Variants in WDR26 observed in about 807,000 individuals in gnomAD.
The protein encoded by WDR26 is WD repeat-containing protein 26.
Under a neutral mutation model 84.1 loss-of-function variants are expected in WDR26, and 5 were observed. That is an observed-to-expected ratio of 0.06 (90% CI 0.03 to 0.13). WDR26 has a LOEUF of 0.13. WDR26 is among the 10% of genes least tolerant of loss of function. WDR26 has a pLI of 1.00. For missense variants in WDR26, 642 were observed against 974.9 expected (o/e 0.66, Z 4.55); for synonymous variants, 415 against 389.6 (o/e 1.07, Z -0.77).
chr1:224,430,131 T>A (rs1674349267), intron 3 of WDR26: 1 of 152,176 alleles, frequency 6.6e-6, no homozygotes, highest in East Asian at 1.9e-4. Context: ...CTCAATAAAA[T>A]GTACTTGGGT....
chr1:224,427,298 CAA>C (rs1674258596), intron 3 of WDR26, among the ~76,000 whole-genome samples: 1 of 151,696 alleles, frequency 6.6e-6, no homozygotes, highest in Admixed American at 6.6e-5. Context: ...AATTTCAGGG[CAA>C]GTTTTTTATT....
In WDR26 at chr1:224,434,574, C is replaced by G. The variant is rs915671451; in HGVS notation, c.-169G>C. 2.4e-5 allele frequency: 11 copies of G among 466,078 alleles called. No homozygotes were observed. Among genetic ancestry groups the G allele is most frequent in the African/African-American group, 4.3e-5 (2 of 46,230 alleles). 28.9% of individuals were successfully genotyped at this position (466,078 alleles called of 1,614,324 possible). A position where few individuals can be genotyped will look rare whatever the true frequency, so the allele number is the denominator to read the frequency against. On this transcript the variant is annotated 5_prime_UTR_variant, in exon 1 of 14. Coordinates refer to ENST00000414423, the MANE Select transcript of WDR26 (RefSeq NM_001379403.1). Reference sequence around the variant, plus strand: ...GAGAAGGAGGATCCGGGCCCTTTCCCCCCCCCCTCCCGGAGGCAGCTCGGG... The same window carrying G: ...GAGAAGGAGGATCCGGGCCCTTTCCGCCCCCCCTCCCGGAGGCAGCTCGGG...
At chr1:224,427,103 C>CT (rs769063024) in intron 3 of WDR26, among the ~76,000 whole-genome samples, 1,225 of 91,022 alleles carry the variant, frequency 0.013, 54 homozygotes, top group Middle Eastern at 0.033. Flanking sequence ...AACTCTGTCT[C>CT]CAAAAAAAAA....
intron 4 of WDR26, 110 bp downstream of exon 4, chr1:224,424,408 C>T (rs892423439): frequency 7.0e-7 from 1 of 1,419,244 alleles, no homozygotes; most frequent in African/African-American, 1.5e-5. Context: ...TTTACCTAGA[C>T]AAATATCTAA....
intron 12 of WDR26, among the ~76,000 whole-genome samples, chr1:224,394,667 G>C (rs1380387625): frequency 6.6e-6 from 1 of 151,974 alleles, no homozygotes; most frequent in Non-Finnish European, 1.5e-5. Flanking sequence ...ACCATGCCCG[G>C]CTAATTTTTT....
chr1:224,427,105 A>T lies in WDR26; in HGVS notation c.928-2451T>A, dbSNP rs866321564. On this transcript the variant is annotated intron_variant, in intron 3 of 13. Transcript: ENST00000414423. Reference sequence around the variant, plus strand: ...GCAACGAGAGCAAAACTCTGTCTCCAAAAAAAAAAAAAAAAAAAAAAAGTT... The same window carrying T: ...GCAACGAGAGCAAAACTCTGTCTCCTAAAAAAAAAAAAAAAAAAAAAAGTT... Among the ~76,000 whole-genome samples, 584 of 141,444 alleles carry T rather than the reference A, an allele frequency of 4.1e-3. 12 individuals are homozygous for T. Among genetic ancestry groups the T allele is most frequent in the Non-Finnish European group, 5.2e-3 (338 of 65,302 alleles). 92.8% of individuals were successfully genotyped at this position (141,444 alleles called of 152,430 possible).
At chr1:224,403,190 T>C (rs1673463072) in intron 8 of WDR26, among the ~76,000 whole-genome samples, 1 of 152,020 alleles carries the variant, frequency 6.6e-6, no homozygotes, top group Non-Finnish European at 1.5e-5. Context: ...GTAGCTGGGA[T>C]TACAGGCGCC....
intron 6 of WDR26, chr1:224,413,232 T>G: frequency 1.0e-6 from 1 of 975,584 alleles, no homozygotes; most frequent in Non-Finnish European, 1.3e-6. Context: ...AAAAACGTTA[T>G]TTAAACAATA....
At chr1:224,421,411 C>T (rs910816212) in intron 4 of WDR26, among the ~76,000 whole-genome samples, 1 of 152,064 alleles carries the variant, frequency 6.6e-6, no homozygotes, top group Non-Finnish European at 1.5e-5. Context: ...ATGGCGAAAC[C>T]CCGTCTCTAC....
intron 3 of WDR26, among the ~76,000 whole-genome samples, chr1:224,425,135 T>C (rs758272041): frequency 2.0e-5 from 3 of 152,320 alleles, no homozygotes; most frequent in East Asian, 3.9e-4. Context: ...AGGGAATAAG[T>C]AGACCAGAAA....
chr1:224,415,449 C>CTTTTTTTTTTTT (rs1673867572), intron 6 of WDR26, among the ~76,000 whole-genome samples: 4 of 102,722 alleles, frequency 3.9e-5, no homozygotes, highest in African/African-American at 1.8e-4. Flanking sequence ...ACACGTATTT[C>CTTTTTTTTTTTT]TTTCTTTTTT....
chr1:224,407,151 A>AAAATATATATATATAT, intron 7 of WDR26, among the ~76,000 whole-genome samples: 10 of 11,872 alleles, frequency 8.4e-4, no homozygotes, highest in East Asian at 2.1e-3. Flanking sequence ...AAAAAAAAAA[A>AAAATATATATATATAT]ATATATATAT....
At chr1:224,422,207 C>G (rs1674083767) in intron 4 of WDR26, among the ~76,000 whole-genome samples, 1 of 152,076 alleles carries the variant, frequency 6.6e-6, no homozygotes, top group Admixed American at 6.6e-5. Flanking sequence ...GTGCAAATGC[C>G]TTAAGGGGTG....
chr1:224,390,859 T>G (rs1341290084), intron 13 of WDR26, among the ~76,000 whole-genome samples: 2 of 152,104 alleles, frequency 1.3e-5, no homozygotes, highest in Admixed American at 1.3e-4. Flanking sequence ...TCATTAACAA[T>G]CAATTTTAGA....
chr1:224,416,105 G>A (rs1466829506), intron 6 of WDR26, among the ~76,000 whole-genome samples: 1 of 152,280 alleles, frequency 6.6e-6, no homozygotes, highest in East Asian at 1.9e-4. Flanking sequence ...AGAAAGAGAG[G>A]TAAGTAGGAG....
chr1:224,428,863 G>A (rs940988980), intron 3 of WDR26, among the ~76,000 whole-genome samples: 11 of 148,630 alleles, frequency 7.4e-5, no homozygotes, highest in East Asian at 2.0e-4. Context: ...CCAAGATTGC[G>A]CCATTGCACT....
intron 8 of WDR26, among the ~76,000 whole-genome samples, chr1:224,403,140 C>G (rs2102896435): frequency 6.6e-6 from 1 of 152,004 alleles, no homozygotes; most frequent in Middle Eastern, 3.4e-3. Context: ...TCCCAGCCTG[C>G]CTCCTGGGTT....
At chr1:224,433,066 G>A (rs939155872) in intron 1 of WDR26, among the ~76,000 whole-genome samples, 9 of 152,136 alleles carry the variant, frequency 5.9e-5, no homozygotes, top group Admixed American at 2.6e-4. Context: ...ACACACACAA[G>A]GGCCTTTAAA....
In WDR26 at chr1:224,433,712, C is replaced by T; in HGVS notation, c.694G>A (p.Gly232Arg). The change falls in exon 1 of 14, where the codon GGA (glycine) becomes AGA (arginine). Residue 232 changes from glycine (G) to arginine (R), a missense_variant. Physicochemically the swap from Gly to Arg is moderately radical, Grantham distance 125. Coordinates refer to ENST00000414423, the MANE Select transcript of WDR26 (RefSeq NM_001379403.1). ...AGCCCTAAGCCATTCAAGTGCTGTC[C>T]TATTAGCCTAATGACATCCTCATCT... 6.5e-7 allele frequency: 1 copy of T among 1,529,340 alleles called. No homozygotes were observed. Among genetic ancestry groups the T allele is most frequent in the Non-Finnish European group, 8.8e-7 (1 of 1,142,256 alleles). The allele number at this position is 1,529,340 out of a possible 1,614,324, so 94.7% of individuals were successfully genotyped here. A position where few individuals can be genotyped will look rare whatever the true frequency, so the allele number is the denominator to read the frequency against.
Sources: gnomAD v4.1 joint callset for allele counts (sites outside exome capture counted in the v4.1 genomes callset) on GRCh38, gnomAD v4.1.1 for gene constraint, MANE v1.5 for transcripts, NCBI Gene and HGNC (gene_info 2026-07-23, HGNC 2026-07-21) for gene names.